LRTM3: variants seen among roughly 807,000 people sequenced by gnomAD.
LRTM3 encodes leucine rich repeat transmembrane protein 3, also known as leucine-rich repeat transmembrane protein 3.
chr13:102,748,407 A>G, the LRTM3 span: 2 of 1,551,090 alleles, frequency 1.3e-6, no homozygotes. Context: ...ACATTTGACA[A>G]CTCCAGAACA....
At chr13:102,733,884 C>G in the LRTM3 span, 1 of 1,551,310 alleles carries the variant, frequency 6.4e-7, no homozygotes, top group Non-Finnish European at 8.7e-7. Flanking sequence ...TTTTTATCAA[C>G]GCCTTCAACT....
chr13:102,743,704 TAC>T, the LRTM3 span: 1 of 1,549,858 alleles, frequency 6.5e-7, no homozygotes, highest in African/African-American at 1.4e-5. Flanking sequence ...TTCTGTTGGA[TAC>T]AGTTTTTAAA....
the LRTM3 span, chr13:102,740,868 C>G: frequency 6.5e-7 from 1 of 1,549,902 alleles, no homozygotes. Context: ...ATCTGAAGTA[C>G]GTCCATTAAA....
the LRTM3 span, chr13:102,749,986 G>C: frequency 3.9e-6 from 6 of 1,550,246 alleles, no homozygotes; most frequent in African/African-American, 1.4e-5. Context: ...GAAATAAGTG[G>C]GCAAGAGGGC....
At chr13:102,758,876 A>G in the LRTM3 span, 1 of 1,549,936 alleles carries the variant, frequency 6.5e-7, no homozygotes, top group African/African-American at 1.4e-5. Context: ...TCATGAATGT[A>G]TTATCTTCCA....
chr13:102,732,689 C>G, the LRTM3 span: 1 of 1,551,058 alleles, frequency 6.4e-7, no homozygotes, highest in Admixed American at 2.0e-5. Flanking sequence ...TGCACTACTG[C>G]TTGTGTCCAT....
At chr13:102,732,673 C>G in the LRTM3 span, 1 of 1,551,090 alleles carries the variant, frequency 6.4e-7, no homozygotes, top group Non-Finnish European at 8.7e-7. Flanking sequence ...ATAGAAGATG[C>G]GGGTGTGCAC....
chr13:102,747,018 C>G, the LRTM3 span: 1 of 1,551,204 alleles, frequency 6.4e-7, no homozygotes, highest in Non-Finnish European at 8.7e-7. Context: ...ATCTCCTTCT[C>G]TAGATGTGCA....
chr13:102,729,478 C>T, the LRTM3 span: 5 of 1,459,330 alleles, frequency 3.4e-6, no homozygotes, highest in African/African-American at 5.7e-5. Flanking sequence ...TAGTAAGGGA[C>T]CCCGAGAGCG....
the LRTM3 span, chr13:102,743,605 G>T: frequency 6.5e-7 from 1 of 1,550,374 alleles, no homozygotes; most frequent in Non-Finnish European, 8.7e-7. Flanking sequence ...CAGGCATGAA[G>T]AAATCTAAAG....
chr13:102,748,093 T>C, the LRTM3 span: 1 of 1,551,172 alleles, frequency 6.4e-7, no homozygotes, highest in African/African-American at 1.4e-5. Context: ...TTATTATTCT[T>C]AATGTGTCTG....
At chr13:102,738,995 G>T in the LRTM3 span, 3 of 1,550,084 alleles carry the variant, frequency 1.9e-6, no homozygotes, top group African/African-American at 2.7e-5. Context: ...ATCATCAATT[G>T]GCTGCTCACA....
the LRTM3 span, chr13:102,749,656 C>T: frequency 1.9e-6 from 3 of 1,551,432 alleles, no homozygotes; most frequent in Non-Finnish European, 2.6e-6. Flanking sequence ...ATGGCTTCTT[C>T]ATCACATCTT....
chr13:102,749,257 T>C, the LRTM3 span: 16 of 1,550,890 alleles, frequency 1.0e-5, no homozygotes, highest in Middle Eastern at 1.7e-4. Context: ...TACTGTCTGG[T>C]GTTTTTCTTC....
chr13:102,741,597 AC>A, the LRTM3 span: 1 of 1,550,390 alleles, frequency 6.4e-7, no homozygotes, highest in Non-Finnish European at 8.7e-7. Flanking sequence ...CAGGCCATAG[AC>A]CCCAGGTTTG....
At chr13:102,734,838 G>C in the LRTM3 span, 1 of 1,550,942 alleles carries the variant, frequency 6.4e-7, no homozygotes, top group Non-Finnish European at 8.7e-7. Flanking sequence ...TTCTCTTCCT[G>C]ATGTTTGGGG....
chr13:102,741,753 T>A, the LRTM3 span: 2 of 1,550,476 alleles, frequency 1.3e-6, no homozygotes, highest in Non-Finnish European at 8.7e-7. Flanking sequence ...TCCCACGGAA[T>A]TGAAACTGAA....
At chr13:102,747,411 G>T in the LRTM3 span, 9,632 of 1,548,558 alleles carry the variant, frequency 6.2e-3, 38 homozygotes, top group Middle Eastern at 0.017. Context: ...GAGATTGCTG[G>T]CTTCTTTACT....
the LRTM3 span, chr13:102,732,788 A>G: frequency 6.4e-7 from 1 of 1,551,256 alleles, no homozygotes; most frequent in Non-Finnish European, 8.7e-7. Flanking sequence ...GTTTGTGCCT[A>G]TTTTTAATTT....
Sources: allele counts gnomAD v4.1 joint callset, GRCh38; gene constraint gnomAD v4.1.1; transcripts MANE v1.5; gene names NCBI Gene and HGNC (gene_info 2026-07-23, HGNC 2026-07-21).